LOXHD1: variants seen among roughly 807,000 people sequenced by gnomAD.
The protein encoded by LOXHD1 is lipoxygenase homology PLAT domains 1.
Under a neutral mutation model 248.2 loss-of-function variants are expected in LOXHD1, and 205 were observed. That is an observed-to-expected ratio of 0.83 (90% CI 0.74 to 0.93). The LOEUF (loss-of-function observed/expected upper bound fraction) is 0.93. Ranked by LOEUF, LOXHD1 falls within the 40% of genes least tolerant of loss-of-function variation. LOXHD1 has a pLI of 0.00. For missense variants in LOXHD1, 2,930 were observed against 2,971.6 expected (o/e 0.99, Z 0.33); for synonymous variants, 1,113 against 1,162.8 (o/e 0.96, Z 0.87).
intron 34 of LOXHD1, among the ~76,000 whole-genome samples, chr18:46,514,067 G>A (rs2035115690): frequency 1.3e-5 from 2 of 152,354 alleles, no homozygotes; most frequent in South Asian, 4.1e-4. Flanking sequence ...TCCCCTACGA[G>A]ACATATGAGG....
chr18:46,621,834 C>T (rs902830454), intron 4 of LOXHD1, among the ~76,000 whole-genome samples: 1 of 152,308 alleles, frequency 6.6e-6, no homozygotes, highest in African/African-American at 2.4e-5. Context: ...CAAAAGGTCA[C>T]CTTTCATCTC....
At chr18:46,527,763 A>C (rs953375045) in intron 29 of LOXHD1, among the ~76,000 whole-genome samples, 5 of 152,182 alleles carry the variant, frequency 3.3e-5, no homozygotes, top group Admixed American at 3.3e-4. Flanking sequence ...GTGGAACATG[A>C]ATGTGTGTGT....
rs902423992 is a variant in LOXHD1 at position 46,644,821 on chromosome 18, C to T, written c.246-2785G>A. On this transcript the variant is annotated intron_variant, in intron 2 of 40. Transcript: ENST00000642948. Reference sequence around the variant, plus strand: ...CCAAAGCATTTGTGAAACAATCCACCATGGCATGGCGCTTTATAGTCACTT... The same window carrying T: ...CCAAAGCATTTGTGAAACAATCCACTATGGCATGGCGCTTTATAGTCACTT... Among the ~76,000 whole-genome samples the T allele has an allele frequency of 2.6e-5, 4 of 152,108 alleles. No individual in the cohort carries two copies. In the South Asian group the frequency reaches 6.2e-4, roughly 24 times the overall value.
At chr18:46,525,757 A>G (rs1342964353) in intron 29 of LOXHD1, among the ~76,000 whole-genome samples, 1 of 152,076 alleles carries the variant, frequency 6.6e-6, no homozygotes, top group African/African-American at 2.4e-5. Context: ...TTTCCTTCTG[A>G]AAGATTTGCT....
At chr18:46,534,934 C>T (rs1450737890) in intron 26 of LOXHD1, among the ~76,000 whole-genome samples, 1 of 152,174 alleles carries the variant, frequency 6.6e-6, no homozygotes, top group Non-Finnish European at 1.5e-5. Context: ...ACTCCACATT[C>T]CTTGCCACGG....
intron 6 of LOXHD1, among the ~76,000 whole-genome samples, chr18:46,604,939 T>C (rs1389226401): frequency 1.3e-5 from 2 of 152,352 alleles, no homozygotes; most frequent in Admixed American, 6.5e-5. Context: ...GGGCAGAGGA[T>C]AACCTTTTTA....
At chr18:46,598,324 CTAAGAA>C (rs1322937031) in intron 8 of LOXHD1, among the ~76,000 whole-genome samples, 1 of 151,988 alleles carries the variant, frequency 6.6e-6, no homozygotes, top group African/African-American at 2.4e-5. Context: ...CAAATCTAAT[CTAAGAA>C]TGTCTACCAT....
chr18:46,586,374 G>T (rs1199717869), intron 12 of LOXHD1, among the ~76,000 whole-genome samples: 1 of 152,150 alleles, frequency 6.6e-6, no homozygotes, highest in Non-Finnish European at 1.5e-5. Flanking sequence ...CCATTGACTT[G>T]TACACTTTAA....
intron 38 of LOXHD1, among the ~76,000 whole-genome samples, chr18:46,485,694 C>A (rs890117049): frequency 6.6e-6 from 1 of 152,118 alleles, no homozygotes; most frequent in Non-Finnish European, 1.5e-5. Flanking sequence ...TGGACTAGAC[C>A]CTGGGTGACA....
chr18:46,514,928 T>C (rs2035167375), intron 34 of LOXHD1, among the ~76,000 whole-genome samples: 1 of 152,202 alleles, frequency 6.6e-6, no homozygotes, highest in Non-Finnish European at 1.5e-5. Context: ...ATCCCTCTGT[T>C]AGAGACTCAT....
chr18:46,536,432 C>G (rs1203760948), intron 26 of LOXHD1, among the ~76,000 whole-genome samples: 1 of 152,108 alleles, frequency 6.6e-6, no homozygotes, highest in African/African-American at 2.4e-5. Context: ...GGCAGAGAGA[C>G]AGAGGCCAGG....
rs2038331466 is a variant in LOXHD1, at chr18:46,601,212, C to T, written c.1134+5G>A. 1 of 1,549,974 alleles carries T rather than the reference C, an allele frequency of 6.5e-7. No homozygotes were observed. The highest frequency in any genetic ancestry group is 8.7e-7 in the Non-Finnish European group (1 of 1,145,706). On this transcript the variant is annotated splice_donor_5th_base_variant and intron_variant, in intron 8 of 40. Coordinates refer to ENST00000642948, the MANE Select transcript of LOXHD1 (RefSeq NM_001384474.1). Reference sequence around the variant, plus strand: ...GGGAAGGCTGTCTCTGGGGGCATCCCTTACCTTCTCACAGAACCAGCCTCT... The same window carrying T: ...GGGAAGGCTGTCTCTGGGGGCATCCTTTACCTTCTCACAGAACCAGCCTCT...
At chr18:46,567,453 A>G (rs929093605) in intron 16 of LOXHD1, among the ~76,000 whole-genome samples, 40 of 152,242 alleles carry the variant, frequency 2.6e-4, no homozygotes, top group African/African-American at 9.2e-4. Flanking sequence ...AGCTAAGCTT[A>G]CAAAGCCTGA....
intron 34 of LOXHD1, among the ~76,000 whole-genome samples, chr18:46,517,247 G>A (rs925384316): frequency 1.3e-5 from 2 of 152,262 alleles, no homozygotes; most frequent in Admixed American, 1.3e-4. Flanking sequence ...TCTAAATTGG[G>A]AATCCAAGGG....
intron 21 of LOXHD1, chr18:46,555,191 C>A: frequency 2.1e-6 from 1 of 470,950 alleles, no homozygotes; most frequent in Non-Finnish European, 4.4e-6. Flanking sequence ...GGTTCTGTGG[C>A]ACTTTTTCCT....
At chr18:46,566,135 G>A in intron 17 of LOXHD1, 122 bp downstream of exon 17, 3 of 1,110,480 alleles carry the variant, frequency 2.7e-6, no homozygotes, top group Non-Finnish European at 3.8e-6. Context: ...TTTTCTCCCT[G>A]CAGGACCCTA....
chr18:46,566,370 G>A lies in LOXHD1; in HGVS notation c.2324C>T (p.Pro775Leu), dbSNP rs2037641484. The change falls in exon 17 of 41, where the codon CCC becomes CTC. Residue 775 changes from proline to leucine, a missense_variant. Transcript: ENST00000642948. ...AAAGGTGTACTGCTTGCCTTGACGG[G>A]GCACACGGATCTGAACGCTGCCCAG... Reference protein sequence around the residue: ...WFLGSVQIRVPRQGKQYTFPA... With the variant: ...WFLGSVQIRVLRQGKQYTFPA... 6.4e-7 allele frequency: 1 copy of A among 1,551,708 alleles called. No homozygotes were observed. Among genetic ancestry groups the A allele is most frequent in the East Asian group, 2.4e-5 (1 of 40,918 alleles).
chr18:46,628,798 T>G (rs2038780773), intron 4 of LOXHD1, among the ~76,000 whole-genome samples: 1 of 152,228 alleles, frequency 6.6e-6, no homozygotes, highest in Admixed American at 6.5e-5. Flanking sequence ...CTAAGTCCTG[T>G]ATGCTCATTT....
At chr18:46,522,058 T>A in intron 32 of LOXHD1, 43 bp downstream of exon 32, 1 of 1,440,774 alleles carries the variant, frequency 6.9e-7, no homozygotes, top group Admixed American at 2.0e-5. Context: ...GCTCTGTCTA[T>A]CCCTAGGGTG....
Sources: gnomAD v4.1 joint callset for allele counts (sites outside exome capture counted in the v4.1 genomes callset) on GRCh38, gnomAD v4.1.1 for gene constraint, MANE v1.5 for transcripts, NCBI Gene and HGNC (gene_info 2026-07-23, HGNC 2026-07-21) for gene names.